Variants in ATP13A3 observed in about 807,000 individuals in gnomAD.
ATP13A3 encodes ATPase 13A3, also known as polyamine-transporting ATPase 13A3.
Under a neutral mutation model 158.1 loss-of-function variants are expected in ATP13A3, and 59 were observed. That is an observed-to-expected ratio of 0.37 (90% CI 0.30 to 0.46). The LOEUF is 0.46. Among genes scored for constraint, ATP13A3 ranks in the 20% least tolerant of loss-of-function variants. ATP13A3 has a pLI of 1.00. For synonymous variants in ATP13A3, 491 were observed against 504.3 expected, an observed-to-expected ratio of 0.97 and a Z score of 0.35; for missense variants, 1,166 against 1,525.2, an observed-to-expected ratio of 0.76 and a Z score of 3.92.
chr3:194,431,952 C>T (rs1717253874), intron 21 of ATP13A3, 60 bp from the exon 22 acceptor site: 3 of 1,346,502 alleles, frequency 2.2e-6, no homozygotes, highest in South Asian at 3.1e-5. Context: ...ACGTATCAAA[C>T]ATGTACTTGC....
At chr3:194,461,837 T>A (rs573394320) in intron 3 of ATP13A3, among the ~76,000 whole-genome samples, 2 of 152,354 alleles carry the variant, frequency 1.3e-5, no homozygotes, top group African/African-American at 4.8e-5. Flanking sequence ...GAAATCTTTA[T>A]TTGGGATTGT....
chr3:194,448,202 C>T lies in ATP13A3; in HGVS notation c.1151-193G>A, dbSNP rs112974638. ...ACGCCATTCTCCTGCCTCAGCCTCC[C>T]GAGTAGCTGGGACTGCAGGCGCCCG... On this transcript the variant is annotated intron_variant, in intron 12 of 33. Coordinates refer to ENST00000645319, the MANE Select transcript of ATP13A3 (RefSeq NM_001367549.1). This position sits in a 1 kb window ranked among gnomAD's most constrained non-coding sequence, Gnocchi z 4.0. 1.1e-4 allele frequency among the ~76,000 whole-genome samples: 17 copies of T among 151,976 alleles called. No individual in the cohort carries two copies. Among genetic ancestry groups the T allele is most frequent in the African/African-American group, 3.9e-4 (16 of 41,368 alleles).
At chr3:194,481,013 T>C (rs1216905228) in intron 2 of ATP13A3, among the ~76,000 whole-genome samples, 2 of 152,180 alleles carry the variant, frequency 1.3e-5, no homozygotes, top group Non-Finnish European at 2.9e-5. Context: ...CAACCAGTTT[T>C]CAAACTGGTG....
intron 15 of ATP13A3, among the ~76,000 whole-genome samples, chr3:194,443,328 T>C (rs1718178321): frequency 6.6e-6 from 1 of 151,978 alleles, no homozygotes; most frequent in South Asian, 2.1e-4. Context: ...ATATTGATAA[T>C]GTAAGAACAA....
intron 2 of ATP13A3, chr3:194,472,105 A>G (rs975481141): frequency 9.1e-5 from 14 of 153,030 alleles, no homozygotes; most frequent in African/African-American, 3.4e-4. Flanking sequence ...CCTCGACGCC[A>G]TCTGAGGAAT....
intron 15 of ATP13A3, among the ~76,000 whole-genome samples, chr3:194,443,263 G>C (rs77749198): frequency 0.011 from 1,695 of 152,214 alleles, 15 homozygotes; most frequent in East Asian, 0.046. Flanking sequence ...GTTTGTTTTG[G>C]GGGGCAGGGG....
At chr3:194,481,861 G>C (rs552762161) in intron 2 of ATP13A3, among the ~76,000 whole-genome samples, 1 of 152,256 alleles carries the variant, frequency 6.6e-6, no homozygotes, top group Non-Finnish European at 1.5e-5. Context: ...GATCCACAGG[G>C]AGTAAGTGTA....
Position 194,413,837 on chromosome 3 carries a change from T to A in ATP13A3, c.3405A>T (p.Ile1135=), listed in dbSNP as rs1436394617. 1 of 1,612,570 alleles carries A rather than the reference T, an allele frequency of 6.2e-7. No homozygotes were observed. Among genetic ancestry groups the A allele is most frequent in the Admixed American group, 1.7e-5 (1 of 60,008 alleles). Residue 1135 remains isoleucine, a splice_region_variant and synonymous_variant, in exon 32 of 34, where the codon ATA becomes ATT. Transcript: ENST00000645319. ...CACGCCACTGATATGGTACACACAC[T>A]ATCTGTAATGCAAAAACATTTTAAA... ...PVASVDQVLQ[I]VCVPYQWRVT... is the part of the protein sequence containing the mutation.
At chr3:194,481,965 T>C (rs758170989) in intron 2 of ATP13A3, among the ~76,000 whole-genome samples, 5 of 152,240 alleles carry the variant, frequency 3.3e-5, no homozygotes, top group South Asian at 4.1e-4. Flanking sequence ...TCTCAGACTC[T>C]AGCAAAGGTT....
Position 194,405,223 on chromosome 3 carries a change from TGA to T in ATP13A3, c.*694_*695del, listed in dbSNP as rs1379524218. On this transcript the variant is annotated 3_prime_UTR_variant, in exon 34 of 34. Coordinates refer to ENST00000645319, the MANE Select transcript of ATP13A3 (RefSeq NM_001367549.1). ...TAGCACAGGAGCCATTTAAGAGCTT[TGA>T]GAGGCGTCTCAAGAAGGCAGTGAAG... The T allele has an allele frequency of 6.6e-6, 1 of 152,256 alleles. No individual in the cohort carries two copies. The highest frequency in any genetic ancestry group is 6.5e-5 in the Admixed American group (1 of 15,290). The allele number at this position is 152,256 out of a possible 1,614,324, so 9.4% of individuals were successfully genotyped here.
At chr3:194,421,137 G>GTATATATA (rs1553796331) in intron 30 of ATP13A3, among the ~76,000 whole-genome samples, 3 of 7,168 alleles carry the variant, frequency 4.2e-4, no homozygotes, top group Admixed American at 3.4e-3. Flanking sequence ...TATATATATA[G>GTATATATA]TATATATATA....
chr3:194,402,798 G>A lies in ATP13A3; in HGVS notation c.*3121C>T, dbSNP rs1364158057. On this transcript the variant is annotated 3_prime_UTR_variant, in exon 34 of 34. Transcript: ENST00000645319. ...TTTTTGACAAGAGGGTACCATTCTT[G>A]AGCAGCAATACAATTTTAAAAATAT... 6.6e-6 allele frequency: 1 copy of A among 152,030 alleles called. No individual in the cohort carries two copies. Among genetic ancestry groups the A allele is most frequent in the African/African-American group, 2.4e-5 (1 of 41,390 alleles). 9.4% of individuals were successfully genotyped at this position (152,030 alleles called of 1,614,324 possible).
At chr3:194,446,876 A>AT in intron 14 of ATP13A3, 51 bp downstream of exon 14, 1 of 1,446,530 alleles carries the variant, frequency 6.9e-7, no homozygotes, top group Non-Finnish European at 9.4e-7. Flanking sequence ...TGATCTAAAT[A>AT]TTTAAACGCT....
At position 194,404,060 on chromosome 3, in the gene ATP13A3, A is replaced by G; in HGVS notation, c.*1859T>C. ...ACTTAAACCAAAGAATAAAATGCAC[A>G]ATTGTGGAAATCACTGAAGAATAAC... On this transcript the variant is annotated 3_prime_UTR_variant, in exon 34 of 34. Transcript: ENST00000645319. 2.2e-6 allele frequency: 1 copy of G among 445,828 alleles called. No homozygotes were observed. The highest frequency in any genetic ancestry group is 4.5e-6 in the Non-Finnish European group (1 of 223,920). The allele number at this position is 445,828 out of a possible 1,614,324, so 27.6% of individuals were successfully genotyped here.
Position 194,421,658 on chromosome 3 carries a change from GTATCATGTAAGTTC to G in ATP13A3, c.3314-1705_3314-1692del, listed in dbSNP as rs1716389571. ...CTGTTTCACAAATGCAGCAACTAAA[GTATCATGTAAGTTC>G]TATGGTCATTTAAGTAGTTATGGTC... On this transcript the variant is annotated intron_variant, in intron 30 of 33. Transcript: ENST00000645319. Among the ~76,000 whole-genome samples, 11 of 151,330 alleles carry G rather than the reference GTATCATGTAAGTTC, an allele frequency of 7.3e-5. No individual in the cohort carries two copies. The South Asian group carries it at 2.3e-3, about 32-fold the overall frequency.
At chr3:194,434,347 G>C (rs1001328778) in intron 20 of ATP13A3, among the ~76,000 whole-genome samples, 2 of 152,182 alleles carry the variant, frequency 1.3e-5, no homozygotes, top group South Asian at 4.1e-4. Flanking sequence ...AGAACCATTA[G>C]CAATCCAACA....
chr3:194,427,392 A>G (rs1270492731), intron 28 of ATP13A3, 140 bp from the exon 29 acceptor site: 2 of 714,844 alleles, frequency 2.8e-6, no homozygotes, highest in East Asian at 2.9e-5. Flanking sequence ...TCAAAAACCA[A>G]GCCACATATC....
chr3:194,431,402 T>C lies in ATP13A3; in HGVS notation c.2422-176A>G, dbSNP rs140072514. Among the ~76,000 whole-genome samples, 75 of 152,358 alleles carry C rather than the reference T, an allele frequency of 4.9e-4. No homozygotes were observed. In the East Asian group the frequency reaches 0.014, roughly 29 times the overall value. On this transcript the variant is annotated intron_variant, in intron 22 of 33. Coordinates refer to ENST00000645319, the MANE Select transcript of ATP13A3 (RefSeq NM_001367549.1). ...AACTCAATTAAATATCAGCTTCAATTTGAAATGATGCATGAACTGAGTATG... is the reference window on the plus strand; with the variant it reads ...AACTCAATTAAATATCAGCTTCAATCTGAAATGATGCATGAACTGAGTATG...
At chr3:194,451,769 A>C (rs1165505250) in intron 10 of ATP13A3, 1 of 152,488 alleles carries the variant, frequency 6.6e-6, no homozygotes, top group Non-Finnish European at 1.5e-5. Context: ...CGTCCAAAAT[A>C]TTACCATTCT....
Sources: allele counts gnomAD v4.1 joint callset (sites outside exome capture counted in the v4.1 genomes callset), GRCh38; gene constraint gnomAD v4.1.1; non-coding constraint Gnocchi (gnomAD v3.1); transcripts MANE v1.5; gene names NCBI Gene and HGNC (gene_info 2026-07-23, HGNC 2026-07-21).